Variants in SKAP2 observed in about 807,000 individuals in gnomAD.
SKAP2 encodes the protein src kinase-associated phosphoprotein 2.
SKAP2 carries 28 observed loss-of-function variants against 54.9 expected under a neutral mutation model. The ratio of observed to expected loss-of-function variants is 0.51; its 90% CI spans 0.38 to 0.70. The LOEUF (loss-of-function observed/expected upper bound fraction) is 0.70, where lower values mean the gene tolerates loss of function less well. SKAP2 is among the 30% of genes least tolerant of loss of function. The probability of loss-of-function intolerance (pLI) is 0.00; values close to 1 mark genes in which losing one functional copy is unlikely to be tolerated. For missense variants in SKAP2, 356 were observed against 424.1 expected (o/e 0.84, Z 1.41); for synonymous variants, 137 against 134.3 (o/e 1.02, Z -0.14).
intron 10 of SKAP2, among the ~76,000 whole-genome samples, chr7:26,686,251 C>T (rs532136998): frequency 3.3e-5 from 5 of 152,014 alleles, no homozygotes; most frequent in South Asian, 2.1e-4. Context: ...TAAAGATGGA[C>T]TAGAAAATAT....
chr7:26,799,254 T>C (rs1783855415), intron 4 of SKAP2, among the ~76,000 whole-genome samples: 1 of 150,394 alleles, frequency 6.6e-6, no homozygotes, highest in Admixed American at 6.7e-5. Flanking sequence ...AACTCTTCAA[T>C]CAAAAGACAC....
intron 6 of SKAP2, among the ~76,000 whole-genome samples, chr7:26,733,746 G>A (rs186293508): frequency 1.3e-5 from 2 of 152,082 alleles, no homozygotes; most frequent in Admixed American, 1.3e-4. Context: ...ATTTTCTACG[G>A]ACTTTTATTA....
chr7:26,854,741 T>A (rs1280688443), intron 2 of SKAP2, 44 bp downstream of exon 2: 1 of 1,518,330 alleles, frequency 6.6e-7, no homozygotes. Context: ...GTTACAAAAC[T>A]GCTTCTATGT....
intron 4 of SKAP2, among the ~76,000 whole-genome samples, chr7:26,815,118 T>A (rs1784240125): frequency 6.6e-6 from 1 of 150,774 alleles, no homozygotes; most frequent in Admixed American, 6.6e-5. Flanking sequence ...TTTTTTTTTT[T>A]AAGGGGATAA....
At chr7:26,755,515 G>C (rs1156915022) in intron 4 of SKAP2, among the ~76,000 whole-genome samples, 1 of 152,158 alleles carries the variant, frequency 6.6e-6, no homozygotes, top group Non-Finnish European at 1.5e-5. Flanking sequence ...TATGAACCCA[G>C]TAATTTATGG....
intron 8 of SKAP2, 120 bp downstream of exon 8, chr7:26,725,803 A>G (rs920139027): frequency 1.0e-5 from 9 of 858,508 alleles, no homozygotes; most frequent in Non-Finnish European, 1.7e-5. Flanking sequence ...TATTAATAAC[A>G]GTCACATTCA....
chr7:26,699,737 A>T lies in SKAP2; in HGVS notation c.797-9375T>A, dbSNP rs575205499. On this transcript the variant is annotated intron_variant, in intron 9 of 12. Transcript: ENST00000345317. ...TTTAAGATTGTAAAGGGATCCTGAG[A>T]TCAATAAGTTTAAGAATGGCTACCC... is the stretch of plus-strand genomic sequence containing the variant. Among the ~76,000 whole-genome samples, 172 of 152,312 alleles carry T rather than the reference A, an allele frequency of 1.1e-3. 4 individuals carry two copies. The South Asian group carries it at 0.035, about 31-fold the overall frequency.
At chr7:26,687,272 G>A (rs983349065) in intron 10 of SKAP2, among the ~76,000 whole-genome samples, 3 of 151,262 alleles carry the variant, frequency 2.0e-5, no homozygotes, top group Non-Finnish European at 4.4e-5. Flanking sequence ...TGTGCATCAT[G>A]AGCATTTCAT....
chr7:26,702,527 T>C (rs919207640), intron 9 of SKAP2, among the ~76,000 whole-genome samples: 1 of 152,174 alleles, frequency 6.6e-6, no homozygotes, highest in African/African-American at 2.4e-5. Context: ...ATATTCTTAG[T>C]GACAGTTTGT....
At chr7:26,699,264 T>C (rs995107718) in intron 9 of SKAP2, among the ~76,000 whole-genome samples, 1 of 152,170 alleles carries the variant, frequency 6.6e-6, no homozygotes, top group Admixed American at 6.5e-5. Context: ...TACATATCTG[T>C]ATGAGGTGGA....
chr7:26,684,708 C>T (rs989080601), intron 11 of SKAP2, 28 bp downstream of exon 11: 1 of 1,436,250 alleles, frequency 7.0e-7, no homozygotes, highest in Non-Finnish European at 9.8e-7. Flanking sequence ...TCCCTCTTTA[C>T]AAACGTCATT....
chr7:26,727,074 A>T, intron 6 of SKAP2, 68 bp from the exon 7 acceptor site: 1 of 1,284,954 alleles, frequency 7.8e-7, no homozygotes. Flanking sequence ...TTTTATGTAA[A>T]ATTTCTTCAT....
intron 4 of SKAP2, among the ~76,000 whole-genome samples, chr7:26,787,181 T>A (rs1783565864): frequency 6.6e-6 from 1 of 152,178 alleles, no homozygotes; most frequent in Non-Finnish European, 1.5e-5. Flanking sequence ...ACCACCAGTA[T>A]TAGGCTGTTT....
intron 9 of SKAP2, among the ~76,000 whole-genome samples, chr7:26,699,624 C>T (rs1562579700): frequency 6.6e-6 from 1 of 151,132 alleles, no homozygotes; most frequent in African/African-American, 2.4e-5. Flanking sequence ...TAAAACAAAC[C>T]AAAAAAATCT....
At chr7:26,709,886 AAG>A (rs1270191570) in intron 9 of SKAP2, among the ~76,000 whole-genome samples, 1 of 152,158 alleles carries the variant, frequency 6.6e-6, no homozygotes, top group Admixed American at 6.5e-5. Context: ...TTGATGATAT[AAG>A]AGCTTTTCAT....
intron 9 of SKAP2, among the ~76,000 whole-genome samples, chr7:26,699,256 C>T (rs912101990): frequency 1.9e-4 from 29 of 152,160 alleles, no homozygotes; most frequent in African/African-American, 7.0e-4. Flanking sequence ...TTCCTTCCTA[C>T]ATATCTGTAT....
downstream of SKAP2, among the ~76,000 whole-genome samples, chr7:26,664,075 A>G (rs1371999656): frequency 2.0e-5 from 3 of 152,282 alleles, no homozygotes; most frequent in Middle Eastern, 3.4e-3. Flanking sequence ...TGTGCCTATT[A>G]TATGCAAAGA....
intron 11 of SKAP2, among the ~76,000 whole-genome samples, chr7:26,681,460 C>A (rs1786495794): frequency 6.6e-6 from 1 of 151,930 alleles, no homozygotes; most frequent in Non-Finnish European, 1.5e-5. Context: ...AACAAACAAA[C>A]AAAAAACAAA....
At chr7:26,767,309 G>A (rs916327800) in intron 4 of SKAP2, among the ~76,000 whole-genome samples, 2 of 152,162 alleles carry the variant, frequency 1.3e-5, no homozygotes, top group African/African-American at 4.8e-5. Context: ...GGGATCAGTG[G>A]TGATCGCCCC....
Sources: gnomAD v4.1 joint callset for allele counts (sites outside exome capture counted in the v4.1 genomes callset) on GRCh38, gnomAD v4.1.1 for gene constraint, MANE v1.5 for transcripts, NCBI Gene and HGNC (gene_info 2026-07-23, HGNC 2026-07-21) for gene names.